The following TFPI variants were observed in gnomAD, a reference collection of about 807,000 sequenced individuals.
TFPI encodes tissue factor pathway inhibitor, also known as anti-convertin.
Under a neutral mutation model 34.6 loss-of-function variants are expected in TFPI, and 15 were observed. The observed-to-expected ratio is 0.43, with a 90% CI of 0.29 to 0.67. The LOEUF (loss-of-function observed/expected upper bound fraction) is 0.67, where lower values mean the gene tolerates loss of function less well. TFPI is among the 30% of genes least tolerant of loss of function. The pLI is 0.15. For synonymous variants in TFPI, 105 were observed against 120.1 expected (o/e 0.87, Z 0.82); for missense variants, 301 against 364.0 (o/e 0.83, Z 1.41).
intron 1 of TFPI, among the ~76,000 whole-genome samples, chr2:187,511,465 G>C (rs756381602): frequency 6.6e-6 from 1 of 152,084 alleles, no homozygotes; most frequent in African/African-American, 2.4e-5. Context: ...GTGTGCATGT[G>C]GTGTTTTGTC....
At chr2:187,536,689 C>G (rs977574799) in intron 1 of TFPI, among the ~76,000 whole-genome samples, 1 of 152,262 alleles carries the variant, frequency 6.6e-6, no homozygotes. Context: ...CAAGGATGCC[C>G]TCTCTCACCA....
At chr2:187,497,533 C>G in intron 2 of TFPI, among the ~76,000 whole-genome samples, 1 of 151,974 alleles carries the variant, frequency 6.6e-6, no homozygotes, top group Admixed American at 6.6e-5. Flanking sequence ...TATATTAAAC[C>G]ATTTTCCCTA....
chr2:187,515,859 C>G (rs1014707814), intron 1 of TFPI: 1 of 152,048 alleles, frequency 6.6e-6, no homozygotes, highest in African/African-American at 2.4e-5. Flanking sequence ...TGCTATAACC[C>G]ATCCTTTTTC....
At position 187,497,013 on chromosome 2, in the gene TFPI, A is replaced by G. The variant is rs1423954386; in HGVS notation, c.187T>C (p.Cys63Arg). The G allele has an allele frequency of 1.1e-5, 17 of 1,613,352 alleles. No homozygotes were observed. Among genetic ancestry groups the G allele is most frequent in the Non-Finnish European group, 1.4e-5 (17 of 1,179,552 alleles). Residue 63 changes from cysteine to arginine, a missense_variant, in exon 3 of 8, where the codon TGT becomes CGT. Coordinates refer to ENST00000233156, the MANE Select transcript of TFPI (RefSeq NM_006287.6). ...FCAFKADDGP[C>R]KAIMKRFFFN... The stretch of plus-strand genomic sequence containing the variant: ...AAAAATCTTTTCATGATTGCTTTAC[A>G]TGGGCCATCATCCGCCTTGAATGCA...
At chr2:187,506,113 G>A (rs544332133) in intron 1 of TFPI, among the ~76,000 whole-genome samples, 1 of 152,064 alleles carries the variant, frequency 6.6e-6, no homozygotes, top group South Asian at 2.1e-4. Context: ...TTAATGTAGG[G>A]ATGAATCCAT....
chr2:187,465,323 G>C lies in TFPI; in HGVS notation c.*1613C>G, dbSNP rs1372250275. 6.6e-6 allele frequency: 1 copy of C among 151,792 alleles called. No homozygotes were observed. Among genetic ancestry groups the C allele is most frequent in the African/African-American group, 2.4e-5 (1 of 41,274 alleles). The allele number at this position is 151,792 out of a possible 1,614,324, so 9.4% of individuals were successfully genotyped here. A position where few individuals can be genotyped will look rare whatever the true frequency, so the allele number is the denominator to read the frequency against. On this transcript the variant is annotated 3_prime_UTR_variant, in exon 8 of 8. Transcript: ENST00000233156. ...TGTTCAAGACAAGCCTAGGTAACGT[G>C]GTGAAACTCGTCTCTACAAAAATTA... is the stretch of plus-strand genomic sequence containing the variant.
At chr2:187,533,517 T>C (rs1282091822) in intron 1 of TFPI, among the ~76,000 whole-genome samples, 2 of 152,082 alleles carry the variant, frequency 1.3e-5, no homozygotes, top group Non-Finnish European at 2.9e-5. Context: ...GGAATAGTAT[T>C]AACATCAACA....
At chr2:187,521,362 A>G (rs1687362289) in intron 1 of TFPI, among the ~76,000 whole-genome samples, 1 of 152,072 alleles carries the variant, frequency 6.6e-6, no homozygotes, top group Non-Finnish European at 1.5e-5. Flanking sequence ...AATTGTTTCC[A>G]TATCTTGGTT....
chr2:187,526,404 A>T (rs942511873), intron 1 of TFPI, among the ~76,000 whole-genome samples: 3 of 152,184 alleles, frequency 2.0e-5, no homozygotes, highest in African/African-American at 7.2e-5. Context: ...TTTGGTGGCC[A>T]GAAGAAAAAA....
At chr2:187,535,596 G>A (rs979963763) in intron 1 of TFPI, among the ~76,000 whole-genome samples, 2 of 152,138 alleles carry the variant, frequency 1.3e-5, no homozygotes, top group Non-Finnish European at 2.9e-5. Context: ...TGTTTAGAGG[G>A]AAATTTATAG....
At chr2:187,513,519 T>C (rs1032283602) in intron 1 of TFPI, 3 of 152,658 alleles carry the variant, frequency 2.0e-5, no homozygotes, top group Non-Finnish European at 2.9e-5. Context: ...TAAAAGTCTT[T>C]TAGCACACGT....
intron 6 of TFPI, among the ~76,000 whole-genome samples, chr2:187,477,457 GT>G (rs917843115): frequency 6.6e-6 from 1 of 151,862 alleles, no homozygotes; most frequent in Non-Finnish European, 1.5e-5. Context: ...GATGAAGTGG[GT>G]TTTTTTTGTT....
rs145453724 is a variant in TFPI, at chr2:187,548,611, C to T, written c.-3+5589G>A. ...GAAGCTAGATGGTCACTTGTATCTT[C>T]CTTATCTCTGTATTAGATGATAATA... On this transcript the variant is annotated intron_variant, in intron 1 of 7. Coordinates refer to ENST00000233156, the MANE Select transcript of TFPI (RefSeq NM_006287.6). Among the ~76,000 whole-genome samples, 457 of 152,084 alleles carry T rather than the reference C, an allele frequency of 3.0e-3. 5 individuals carry two copies. Among genetic ancestry groups the T allele is most frequent in the African/African-American group, 0.01 (419 of 41,530 alleles).
At chr2:187,505,459 G>A (rs1574449381) in intron 1 of TFPI, among the ~76,000 whole-genome samples, 1 of 152,122 alleles carries the variant, frequency 6.6e-6, no homozygotes, top group Non-Finnish European at 1.5e-5. Flanking sequence ...GCTTGCATTA[G>A]TTCTCAGAAA....
intron 3 of TFPI, among the ~76,000 whole-genome samples, chr2:187,489,436 G>T (rs969776395): frequency 3.3e-5 from 5 of 150,710 alleles, no homozygotes; most frequent in African/African-American, 4.9e-5. Flanking sequence ...AAGTTTTTTG[G>T]TTTACTTTGT....
intron 2 of TFPI, among the ~76,000 whole-genome samples, chr2:187,500,489 G>A (rs997309988): frequency 2.4e-4 from 37 of 151,856 alleles, no homozygotes; most frequent in Middle Eastern, 3.4e-3. Context: ...TCAAGCATAC[G>A]GTTTTAATTA....
At chr2:187,536,379 A>G (rs1442731992) in intron 1 of TFPI, among the ~76,000 whole-genome samples, 1 of 152,224 alleles carries the variant, frequency 6.6e-6, no homozygotes, top group Admixed American at 6.5e-5. Flanking sequence ...CAAAAAGCTT[A>G]TCCCCCACCA....
intron 1 of TFPI, among the ~76,000 whole-genome samples, chr2:187,534,232 C>T (rs566773556): frequency 1.3e-5 from 2 of 152,258 alleles, no homozygotes; most frequent in East Asian, 3.9e-4. Flanking sequence ...CACAAAGGTA[C>T]TCCTCAAGAA....
chr2:187,501,476 G>T (rs1452273345), intron 2 of TFPI, among the ~76,000 whole-genome samples: 1 of 151,924 alleles, frequency 6.6e-6, no homozygotes, highest in Non-Finnish European at 1.5e-5. Flanking sequence ...TCTAATTAAA[G>T]GATTTTATTT....
Sources: gnomAD v4.1 joint callset for allele counts (sites outside exome capture counted in the v4.1 genomes callset) on GRCh38, gnomAD v4.1.1 for gene constraint, MANE v1.5 for transcripts, NCBI Gene and HGNC (gene_info 2026-07-23, HGNC 2026-07-21) for gene names.